Variants in EEPD1 observed in about 807,000 individuals in gnomAD.
EEPD1 encodes the protein endonuclease/exonuclease/phosphatase family domain containing 1.
EEPD1 carries 17 observed loss-of-function variants against 46.3 expected under a neutral mutation model. The ratio of observed to expected loss-of-function variants is 0.37; its 90% CI spans 0.25 to 0.55. EEPD1 has a LOEUF of 0.55. Among genes scored for constraint, EEPD1 ranks in the 20% least tolerant of loss-of-function variants. The probability of loss-of-function intolerance (pLI) is 0.83; values close to 1 mark genes in which losing one functional copy is unlikely to be tolerated. For missense variants in EEPD1, 673 were observed against 745.6 expected, an observed-to-expected ratio of 0.90 and a Z score of 1.13; for synonymous variants, 313 against 315.6, an observed-to-expected ratio of 0.99 and a Z score of 0.09.
At chr7:36,186,526 G>A (rs1236447313) in intron 2 of EEPD1, among the ~76,000 whole-genome samples, 1 of 152,136 alleles carries the variant, frequency 6.6e-6, no homozygotes, top group African/African-American at 2.4e-5. Flanking sequence ...AAAATGCATC[G>A]CCACATTCTC....
In EEPD1 at chr7:36,154,763, C is replaced by T. The variant is rs373650513; in HGVS notation, c.439C>T (p.Leu147Phe). The T allele has an allele frequency of 6.2e-7, 1 of 1,614,162 alleles. No individual in the cohort carries two copies. Among genetic ancestry groups the T allele is most frequent in the Non-Finnish European group, 8.5e-7 (1 of 1,180,040 alleles). The stretch of plus-strand genomic sequence containing the variant: ...CATCAACACAGCCACCCCGGCCCAG[C>T]TCATGAGCGTGCGAGGCCTCTCGGA... ...VNINTATPAQLMSVRGLSEKM... is the reference protein window; with the variant it reads ...VNINTATPAQFMSVRGLSEKM... The change falls in exon 2 of 8, where the codon CTC (leucine) becomes TTC (phenylalanine). Residue 147 changes from leucine to phenylalanine, a missense_variant. Transcript: ENST00000242108. The surrounding 1 kb of genome is among the most constrained non-coding windows in gnomAD (Gnocchi z 4.2).
intron 2 of EEPD1, among the ~76,000 whole-genome samples, chr7:36,178,210 A>G (rs759649976): frequency 1.5e-4 from 23 of 152,182 alleles, no homozygotes; most frequent in Admixed American, 2.6e-4. Context: ...TCCTAGTGTC[A>G]TCACCACAAC....
At chr7:36,273,319 C>T (rs1425112583) in intron 3 of EEPD1, among the ~76,000 whole-genome samples, 1 of 152,102 alleles carries the variant, frequency 6.6e-6, no homozygotes, top group African/African-American at 2.4e-5. Context: ...TAGTGCCTGC[C>T]ATATCCTTGG....
chr7:36,201,174 G>A (rs1279012213), intron 2 of EEPD1, among the ~76,000 whole-genome samples: 4 of 152,122 alleles, frequency 2.6e-5, no homozygotes, highest in African/African-American at 9.7e-5. Context: ...AGTTATGGAA[G>A]ACAGACTGAG....
At chr7:36,189,330 G>A (rs956158221) in intron 2 of EEPD1, among the ~76,000 whole-genome samples, 9 of 152,160 alleles carry the variant, frequency 5.9e-5, no homozygotes, top group African/African-American at 1.7e-4. Context: ...GAAAAATGGG[G>A]ATTTTAAAAA....
intron 2 of EEPD1, among the ~76,000 whole-genome samples, chr7:36,216,767 GAAT>G (rs1474148989): frequency 5.9e-5 from 9 of 152,134 alleles, no homozygotes; most frequent in African/African-American, 1.9e-4. Flanking sequence ...ATATGACAAT[GAAT>G]AATAATGACA....
intron 2 of EEPD1, among the ~76,000 whole-genome samples, chr7:36,197,148 C>T (rs1449907046): frequency 6.6e-6 from 1 of 150,950 alleles, no homozygotes; most frequent in Non-Finnish European, 1.5e-5. Flanking sequence ...ACCGCCCCGT[C>T]TGAGAAGTGA....
intron 2 of EEPD1, among the ~76,000 whole-genome samples, chr7:36,170,486 T>A (rs1332836280): frequency 2.7e-5 from 4 of 150,434 alleles, no homozygotes; most frequent in African/African-American, 9.8e-5. Flanking sequence ...GAGAGTTAAG[T>A]CATTATGCTC....
intron 2 of EEPD1, among the ~76,000 whole-genome samples, chr7:36,156,181 G>A (rs1014608376): frequency 6.6e-6 from 1 of 151,894 alleles, no homozygotes; most frequent in African/African-American, 2.4e-5. Flanking sequence ...GGCTGGCGGC[G>A]GGGGGGCAGC....
intron 2 of EEPD1, among the ~76,000 whole-genome samples, chr7:36,189,645 T>C (rs1785426969): frequency 6.6e-6 from 1 of 152,160 alleles, no homozygotes; most frequent in Non-Finnish European, 1.5e-5. Flanking sequence ...AGAAAGTACA[T>C]GGCCCTGTCC....
chr7:36,249,248 GT>G (rs1312822033), intron 3 of EEPD1, among the ~76,000 whole-genome samples: 28 of 152,148 alleles, frequency 1.8e-4, no homozygotes, highest in African/African-American at 6.5e-4. Flanking sequence ...CATTAGTGAA[GT>G]TTTAAAGCAT....
At chr7:36,275,360 G>A (rs1365260566) in intron 3 of EEPD1, among the ~76,000 whole-genome samples, 1 of 152,232 alleles carries the variant, frequency 6.6e-6, no homozygotes, top group Admixed American at 6.5e-5. Context: ...TTCACTGGAA[G>A]GGAAAGACTA....
intron 2 of EEPD1, among the ~76,000 whole-genome samples, chr7:36,187,531 C>T (rs1400183085): frequency 2.0e-5 from 3 of 152,170 alleles, no homozygotes; most frequent in Non-Finnish European, 2.9e-5. Flanking sequence ...TATCTCACTT[C>T]GCATAATGTT....
At chr7:36,252,874 A>G (rs1449052164) in intron 3 of EEPD1, among the ~76,000 whole-genome samples, 1 of 103,416 alleles carries the variant, frequency 9.7e-6, no homozygotes, top group African/African-American at 3.7e-5. Context: ...AGTCTAGGTA[A>G]AGGTTTCTCA....
intron 2 of EEPD1, among the ~76,000 whole-genome samples, chr7:36,157,150 T>G (rs186543195): frequency 1.1e-4 from 17 of 152,368 alleles, no homozygotes; most frequent in Admixed American, 1.0e-3. Flanking sequence ...ATGTAAATAA[T>G]ATGCCATTTT....
intron 3 of EEPD1, among the ~76,000 whole-genome samples, chr7:36,273,494 A>G (rs1459222540): frequency 1.3e-5 from 2 of 152,158 alleles, no homozygotes; most frequent in Non-Finnish European, 2.9e-5. Context: ...ACCTAAGTAA[A>G]TAAGAGCTTA....
Position 36,154,336 on chromosome 7 carries a change from C to A in EEPD1, c.12C>A (p.Thr4=). The stretch of plus-strand genomic sequence containing the variant: ...GATCCTGGCGGACCATGGGGAGCAC[C>A]CTGGGCTGCCACCGCTCCATCCCCA... The part of the protein sequence containing the change: MGS[T]LGCHRSIPRD... The change falls in exon 2 of 8, where the codon ACC becomes ACA. Residue 4 remains threonine (T), a synonymous_variant. Coordinates refer to ENST00000242108, the MANE Select transcript of EEPD1 (RefSeq NM_030636.3). The surrounding 1 kb of genome is among the most constrained non-coding windows in gnomAD (Gnocchi z 4.2). The A allele has an allele frequency of 6.2e-7, 1 of 1,609,520 alleles. No homozygotes were observed. The highest frequency in any genetic ancestry group is 1.1e-5 in the South Asian group (1 of 91,048).
intron 3 of EEPD1, among the ~76,000 whole-genome samples, chr7:36,242,543 A>G (rs1357218656): frequency 6.6e-6 from 1 of 152,128 alleles, no homozygotes; most frequent in East Asian, 1.9e-4. Context: ...TCAGAAGCAA[A>G]CATTCATCAT....
intron 2 of EEPD1, among the ~76,000 whole-genome samples, chr7:36,180,769 G>T (rs1382238583): frequency 6.6e-6 from 1 of 152,082 alleles, no homozygotes; most frequent in Non-Finnish European, 1.5e-5. Flanking sequence ...TCCCTGCTCT[G>T]TGCCCGCTGG....
Sources: allele counts gnomAD v4.1 joint callset (sites outside exome capture counted in the v4.1 genomes callset), GRCh38; gene constraint gnomAD v4.1.1; non-coding constraint Gnocchi (gnomAD v3.1); transcripts MANE v1.5; gene names NCBI Gene and HGNC (gene_info 2026-07-23, HGNC 2026-07-21).